The following MYCBP2 variants were observed in gnomAD, a reference collection of about 807,000 sequenced individuals.
The protein encoded by MYCBP2 is E3 ubiquitin-protein ligase MYCBP2.
In MYCBP2, 120 loss-of-function variants were observed where a neutral mutation model predicts 525.3. That is an observed-to-expected ratio of 0.23 (90% confidence interval 0.20 to 0.27). The LOEUF is 0.27. Among genes scored for constraint, MYCBP2 ranks in the 10% least tolerant of loss-of-function variants. MYCBP2 has a pLI of 1.00. For missense variants in MYCBP2, 4,149 were observed against 5,657.1 expected (o/e 0.73, Z 8.55); for synonymous variants, 1,894 against 1,955.8 (o/e 0.97, Z 0.83).
intron 43 of MYCBP2, among the ~76,000 whole-genome samples, chr13:77,163,279 A>G (rs2058157751): frequency 6.6e-6 from 1 of 152,234 alleles, no homozygotes; most frequent in Non-Finnish European, 1.5e-5. Flanking sequence ...ATTGACAAAA[A>G]TAGGTTGCTA....
At chr13:77,319,241 G>A (rs958072620) in intron 1 of MYCBP2, among the ~76,000 whole-genome samples, 4 of 152,078 alleles carry the variant, frequency 2.6e-5, no homozygotes, top group Admixed American at 1.3e-4. Flanking sequence ...AGGAGGAGCT[G>A]GGGGTAAGAG....
At chr13:77,240,086 T>C (rs556245345) in intron 17 of MYCBP2, among the ~76,000 whole-genome samples, 4 of 152,178 alleles carry the variant, frequency 2.6e-5, no homozygotes, top group Non-Finnish European at 5.9e-5. Context: ...GTATATCATA[T>C]TCATCTAATT....
intron 2 of MYCBP2, among the ~76,000 whole-genome samples, chr13:77,292,518 A>G (rs2077587731): frequency 8.6e-6 from 1 of 116,320 alleles, no homozygotes; most frequent in South Asian, 2.6e-4. Flanking sequence ...GCTGAGGGAA[A>G]GACACCAGAT....
At chr13:77,151,628 G>A (rs556130903) in intron 46 of MYCBP2, among the ~76,000 whole-genome samples, 2 of 152,148 alleles carry the variant, frequency 1.3e-5, no homozygotes, top group African/African-American at 2.4e-5. Flanking sequence ...AAACAGATTC[G>A]TTAATGGATG....
At chr13:77,119,787 C>T (rs948397692) in intron 55 of MYCBP2, among the ~76,000 whole-genome samples, 2 of 152,158 alleles carry the variant, frequency 1.3e-5, no homozygotes, top group Admixed American at 6.5e-5. Flanking sequence ...TTCACAGGCA[C>T]GACTATAGCA....
chr13:77,201,590 AT>A (rs1294653636), intron 26 of MYCBP2, among the ~76,000 whole-genome samples: 5 of 150,978 alleles, frequency 3.3e-5, no homozygotes, highest in Admixed American at 3.3e-4. Flanking sequence ...CAGAATATAC[AT>A]TTTTTTCAGC....
rs541101392 is a variant in MYCBP2 at position 77,291,508 on chromosome 13, C to T, written c.379-3132G>A. Among the ~76,000 whole-genome samples, 5 of 152,308 alleles carry T rather than the reference C, an allele frequency of 3.3e-5. No individual in the cohort carries two copies. In the South Asian group the frequency reaches 8.3e-4, roughly 25 times the overall value. On this transcript the variant is annotated intron_variant, in intron 2 of 82. Transcript: ENST00000544440. ...TGTACAGGCCGGGTGCAGTGACTCA[C>T]GCCTGTAATCCCAGCACTTTGGGAG...
chr13:77,253,748 C>T (rs1012237343), intron 14 of MYCBP2, among the ~76,000 whole-genome samples: 4 of 151,930 alleles, frequency 2.6e-5, no homozygotes, highest in Non-Finnish European at 4.4e-5. Context: ...TAAAAAATTA[C>T]AGTATCATTT....
chr13:77,049,706 G>A (rs2036344464), intron 82 of MYCBP2, among the ~76,000 whole-genome samples: 2 of 152,026 alleles, frequency 1.3e-5, no homozygotes, highest in South Asian at 4.2e-4. Context: ...CGCAATCTTG[G>A]CTCACTGCAA....
Position 77,083,152 on chromosome 13 carries a change from A to G in MYCBP2, c.10916T>C (p.Ile3639Thr). 1.2e-6 allele frequency: 2 copies of G among 1,613,452 alleles called. No individual in the cohort carries two copies. Among genetic ancestry groups the G allele is most frequent in the Non-Finnish European group, 8.5e-7 (1 of 1,179,578 alleles). Residue 3639 changes from isoleucine (I) to threonine (T), a missense_variant, in exon 63 of 83, where the codon ATA becomes ACA. This residue lies in a region of MYCBP2 where 509 missense variants were observed against 789.4 expected (regional missense o/e 0.64). Coordinates refer to ENST00000544440, the MANE Select transcript of MYCBP2 (RefSeq NM_015057.5). The part of the protein sequence containing the change: ...TRVCEHPLSD[I>T]VIAGEAAHPL... Reference sequence around the variant, plus strand: ...ATGAGCAGCTTCCCCGGCAATCACTATGTCTGAGAGTGGATGTTCACATAC... The same window carrying G: ...ATGAGCAGCTTCCCCGGCAATCACTGTGTCTGAGAGTGGATGTTCACATAC...
intron 15 of MYCBP2, among the ~76,000 whole-genome samples, chr13:77,247,159 A>T (rs548468656): frequency 2.9e-4 from 44 of 152,344 alleles, no homozygotes; most frequent in African/African-American, 9.6e-4. Flanking sequence ...GAAAGGAAGA[A>T]GTAAAATTAT....
At chr13:77,211,802 T>G (rs904831052) in intron 22 of MYCBP2, among the ~76,000 whole-genome samples, 154 bp downstream of exon 22, 1 of 152,152 alleles carries the variant, frequency 6.6e-6, no homozygotes, top group Non-Finnish European at 1.5e-5. Context: ...GAGACACATA[T>G]AAACGGAGAC....
At position 77,206,648 on chromosome 13, in the gene MYCBP2, C is replaced by A; in HGVS notation, c.3589+5G>T. ...AATTAATGGTACATCAAATCGCAAC[C>A]CTACCTAAAATGTGCAAAGCTGCAT... is the stretch of plus-strand genomic sequence containing the variant. On this transcript the variant is annotated splice_donor_5th_base_variant and intron_variant, in intron 24 of 82. Coordinates refer to ENST00000544440, the MANE Select transcript of MYCBP2 (RefSeq NM_015057.5). 1 of 1,562,806 alleles carries A rather than the reference C, an allele frequency of 6.4e-7. No individual in the cohort carries two copies. Among genetic ancestry groups the A allele is most frequent in the East Asian group, 2.3e-5 (1 of 43,978 alleles).
intron 23 of MYCBP2, among the ~76,000 whole-genome samples, chr13:77,210,218 T>G (rs1250034389): frequency 1.3e-5 from 2 of 151,178 alleles, no homozygotes; most frequent in Admixed American, 1.3e-4. Context: ...TTTTTTTTTT[T>G]GAGACAGAGT....
At chr13:77,157,911 A>T (rs1003212905) in intron 45 of MYCBP2, 26 bp downstream of exon 45, 2 of 1,572,120 alleles carry the variant, frequency 1.3e-6, no homozygotes, top group Non-Finnish European at 1.7e-6. Context: ...CCCTAAAATA[A>T]AGTAAGTAAC....
At chr13:77,069,595 G>A (rs2040799151) in intron 69 of MYCBP2, among the ~76,000 whole-genome samples, 1 of 144,868 alleles carries the variant, frequency 6.9e-6, no homozygotes, top group Non-Finnish European at 1.5e-5. Flanking sequence ...AAAATATTAT[G>A]CCTGTAATCC....
At chr13:77,245,740 AAGTAACAC>A (rs1197055465) in intron 15 of MYCBP2, among the ~76,000 whole-genome samples, 59 of 72,222 alleles carry the variant, frequency 8.2e-4, no homozygotes, top group Admixed American at 1.4e-3. Context: ...CCAGAACGTA[AAGTAACAC>A]ACACACACAC....
chr13:77,072,272 C>T (rs941412712), intron 68 of MYCBP2, among the ~76,000 whole-genome samples: 3 of 126,062 alleles, frequency 2.4e-5, no homozygotes, highest in Non-Finnish European at 4.8e-5. Flanking sequence ...GCCTGGGCGA[C>T]AGGGCAAGAC....
intron 66 of MYCBP2, among the ~76,000 whole-genome samples, chr13:77,078,561 T>C (rs765487206): frequency 1.6e-4 from 25 of 152,126 alleles, no homozygotes; most frequent in Non-Finnish European, 3.2e-4. Flanking sequence ...TGAGTCTTTG[T>C]TGGGGAGTAG....
Sources: allele counts gnomAD v4.1 joint callset (sites outside exome capture counted in the v4.1 genomes callset), GRCh38; gene constraint gnomAD v4.1.1; regional missense constraint gnomAD v4.1.1; transcripts MANE v1.5; gene names NCBI Gene and HGNC (gene_info 2026-07-23, HGNC 2026-07-21).